Variants in PPFIA2 observed in about 807,000 individuals in gnomAD.
PPFIA2 encodes the protein PPFI scaffold protein A2.
A neutral mutation model predicts 175.5 loss-of-function variants in PPFIA2; 46 were observed. That is an observed-to-expected ratio of 0.26 (90% confidence interval 0.21 to 0.34). The LOEUF (loss-of-function observed/expected upper bound fraction) is 0.34, where lower values mean the gene tolerates loss of function less well. Ranked by LOEUF, PPFIA2 falls within the 10% of genes least tolerant of loss-of-function variation. PPFIA2 has a pLI of 1.00. For missense variants in PPFIA2, 1,179 were observed against 1,506.1 expected, an observed-to-expected ratio of 0.78 and a Z score of 3.60; for synonymous variants, 568 against 511.4, an observed-to-expected ratio of 1.11 and a Z score of -1.49.
chr12:81,757,428 G>A (rs1474785493), intron 2 of PPFIA2, among the ~76,000 whole-genome samples: 2 of 152,004 alleles, frequency 1.3e-5, no homozygotes, highest in African/African-American at 4.8e-5. Context: ...TATAAATTAT[G>A]TTATCTTCAT....
At chr12:81,480,444 A>C (rs2058070002) in intron 4 of PPFIA2, among the ~76,000 whole-genome samples, 1 of 152,088 alleles carries the variant, frequency 6.6e-6, no homozygotes, top group African/African-American at 2.4e-5. Flanking sequence ...GTCCAGTTTT[A>C]TTCCCTTGCT....
chr12:81,642,720 T>C (rs58465605), intron 4 of PPFIA2, among the ~76,000 whole-genome samples: 3,000 of 112,304 alleles, frequency 0.027, 1,123 homozygotes, highest in East Asian at 0.15. Context: ...GTATGTATTA[T>C]ATACATACAT....
At chr12:81,293,649 G>A (rs537368465) in intron 24 of PPFIA2, among the ~76,000 whole-genome samples, 4 of 151,874 alleles carry the variant, frequency 2.6e-5, no homozygotes, top group South Asian at 2.1e-4. Context: ...AAAAGATGTC[G>A]GCAAGGGCAC....
intron 4 of PPFIA2, among the ~76,000 whole-genome samples, chr12:81,618,698 T>C (rs924161024): frequency 6.6e-6 from 1 of 151,806 alleles, no homozygotes; most frequent in Non-Finnish European, 1.5e-5. Flanking sequence ...CCAGCTAATT[T>C]TTTTTTGTAT....
At chr12:81,634,455 C>T (rs1374054693) in intron 4 of PPFIA2, among the ~76,000 whole-genome samples, 1 of 152,002 alleles carries the variant, frequency 6.6e-6, no homozygotes, top group East Asian at 1.9e-4. Flanking sequence ...TGAAGCATCC[C>T]AATCCAGCTG....
intron 4 of PPFIA2, among the ~76,000 whole-genome samples, chr12:81,556,633 G>T (rs1355758806): frequency 2.0e-5 from 3 of 151,728 alleles, no homozygotes; most frequent in Admixed American, 6.6e-5. Flanking sequence ...TCAATATTTT[G>T]ATAGGTTATT....
intron 3 of PPFIA2, among the ~76,000 whole-genome samples, chr12:81,742,067 G>A (rs750224720): frequency 2.6e-5 from 4 of 152,162 alleles, no homozygotes; most frequent in South Asian, 4.1e-4. Context: ...TCCCTGACCC[G>A]TTGGACAGCA....
At chr12:81,625,248 G>T (rs2153487205) in intron 4 of PPFIA2, among the ~76,000 whole-genome samples, 1 of 151,854 alleles carries the variant, frequency 6.6e-6, no homozygotes, top group East Asian at 1.9e-4. Flanking sequence ...GAATCATGAG[G>T]TTCCTAGTTG....
chr12:81,683,394 T>C (rs1045499496), intron 3 of PPFIA2, among the ~76,000 whole-genome samples: 1 of 151,934 alleles, frequency 6.6e-6, no homozygotes. Flanking sequence ...CATGAATTTG[T>C]TATCTCCCTC....
chr12:81,718,599 A>C (rs2078943517), intron 3 of PPFIA2, among the ~76,000 whole-genome samples: 1 of 151,818 alleles, frequency 6.6e-6, no homozygotes, highest in Admixed American at 6.6e-5. Flanking sequence ...CTAACTTCTC[A>C]ATTTTAGAGA....
At chr12:81,633,278 G>A (rs370914555) in intron 4 of PPFIA2, among the ~76,000 whole-genome samples, 1 of 152,198 alleles carries the variant, frequency 6.6e-6, no homozygotes, top group East Asian at 1.9e-4. Flanking sequence ...AAAGATACAA[G>A]AGTAGCCTGC....
At chr12:81,529,713 C>T (rs1016781963) in intron 4 of PPFIA2, among the ~76,000 whole-genome samples, 19 of 151,928 alleles carry the variant, frequency 1.3e-4, no homozygotes, top group African/African-American at 3.9e-4. Context: ...CCAGCTCCTC[C>T]GGTTAAATAC....
intron 4 of PPFIA2, among the ~76,000 whole-genome samples, chr12:81,492,530 A>G (rs1340641138): frequency 6.6e-6 from 1 of 152,084 alleles, no homozygotes; most frequent in Non-Finnish European, 1.5e-5. Context: ...GAGATGGCAG[A>G]AAACACTTAG....
At chr12:81,557,636 C>G (rs2153383603) in intron 4 of PPFIA2, among the ~76,000 whole-genome samples, 1 of 152,130 alleles carries the variant, frequency 6.6e-6, no homozygotes, top group South Asian at 2.1e-4. Context: ...GCAGTTTTCA[C>G]CAGCTATCTT....
chr12:81,552,775 T>C (rs17008697), intron 4 of PPFIA2, among the ~76,000 whole-genome samples: 1,600 of 152,188 alleles, frequency 0.011, 30 homozygotes, highest in African/African-American at 0.033. Context: ...ATTTAGAAGA[T>C]ATGATCCCAT....
chr12:81,387,738 T>C (rs2039297457), intron 8 of PPFIA2, among the ~76,000 whole-genome samples: 1 of 152,114 alleles, frequency 6.6e-6, no homozygotes, highest in African/African-American at 2.4e-5. Flanking sequence ...ACCTCAGTTA[T>C]CTCAAATTTG....
Position 81,306,538 on chromosome 12 carries a change from G to A in PPFIA2, c.2643-7156C>T, listed in dbSNP as rs537980984. On this transcript the variant is annotated intron_variant, in intron 22 of 32. Coordinates refer to ENST00000549396, the MANE Select transcript of PPFIA2 (RefSeq NM_003625.5). ...TTTTGTTTGTTTGTTTGTTTGTTTC[G>A]TTGTTTTTTTTTTTTTTTTTTTGGC... 1.1e-3 allele frequency among the ~76,000 whole-genome samples: 136 copies of A among 125,450 alleles called. 3 individuals are homozygous for A. In the East Asian group the frequency reaches 0.028, roughly 26 times the overall value. 82.3% of individuals were successfully genotyped at this position (125,450 alleles called of 152,430 possible). A position where few individuals can be genotyped will look rare whatever the true frequency, so the allele number is the denominator to read the frequency against.
intron 4 of PPFIA2, among the ~76,000 whole-genome samples, chr12:81,586,274 T>C (rs993511057): frequency 6.6e-6 from 1 of 151,974 alleles, no homozygotes; most frequent in Admixed American, 6.6e-5. Context: ...CTTCCTAGTG[T>C]CATTGTCCAG....
At chr12:81,460,468 A>G (rs532656097) in intron 4 of PPFIA2, among the ~76,000 whole-genome samples, 2 of 152,188 alleles carry the variant, frequency 1.3e-5, no homozygotes, top group African/African-American at 4.8e-5. Context: ...AACTACAATT[A>G]TCTTGCATGA....
Sources: gnomAD v4.1 joint callset for allele counts (sites outside exome capture counted in the v4.1 genomes callset) on GRCh38, gnomAD v4.1.1 for gene constraint, MANE v1.5 for transcripts, NCBI Gene and HGNC (gene_info 2026-07-23, HGNC 2026-07-21) for gene names.